GRID2: variants seen among roughly 807,000 people sequenced by gnomAD.
GRID2 encodes the protein glutamate ionotropic receptor delta type subunit 2.
In GRID2, 33 loss-of-function variants were observed where a neutral mutation model predicts 114.8. The ratio of observed to expected loss-of-function variants is 0.29; its 90% CI spans 0.22 to 0.38. The LOEUF is 0.38. Among genes scored for constraint, GRID2 ranks in the 10% least tolerant of loss-of-function variants. GRID2 has a pLI of 1.00. For synonymous variants in GRID2, 505 were observed against 449.9 expected, an observed-to-expected ratio of 1.12 and a Z score of -1.55; for missense variants, 1,184 against 1,257.7, an observed-to-expected ratio of 0.94 and a Z score of 0.89.
At chr4:92,444,904 CTT>C (rs896287966) in intron 1 of GRID2, among the ~76,000 whole-genome samples, 6 of 151,804 alleles carry the variant, frequency 4.0e-5, no homozygotes, top group Admixed American at 6.6e-5. Flanking sequence ...AAAGTGAAGA[CTT>C]TTTTTTCAGA....
chr4:92,840,367 A>G (rs1419136795), intron 2 of GRID2, among the ~76,000 whole-genome samples: 1 of 151,620 alleles, frequency 6.6e-6, no homozygotes, highest in Non-Finnish European at 1.5e-5. Flanking sequence ...ATTTTTTTAA[A>G]TTTGTTTTCT....
At position 93,012,107 on chromosome 4, in the gene GRID2, G is replaced by C. The variant is rs536535004; in HGVS notation, c.245-72888G>C. Among the ~76,000 whole-genome samples the C allele has an allele frequency of 3.5e-5, 5 of 144,742 alleles. 1 individual carries two copies. The South Asian group carries it at 1.1e-3, about 32-fold the overall frequency. 95.0% of individuals were successfully genotyped at this position (144,742 alleles called of 152,430 possible). A position where few individuals can be genotyped will look rare whatever the true frequency, so the allele number is the denominator to read the frequency against. On this transcript the variant is annotated intron_variant, in intron 2 of 15. Transcript: ENST00000282020. ...AAAAAAAAAAAAAAAAACATGTATA[G>C]TGACACCTGTAAGTGTACTTCAGAT... is the stretch of plus-strand genomic sequence containing the variant.
At chr4:92,428,587 TTTTGC>T (rs939896996) in intron 1 of GRID2, among the ~76,000 whole-genome samples, 1 of 152,102 alleles carries the variant, frequency 6.6e-6, no homozygotes, top group Non-Finnish European at 1.5e-5. Context: ...TTATTGAACA[TTTTGC>T]TTTGAGTATT....
intron 1 of GRID2, among the ~76,000 whole-genome samples, chr4:92,434,550 TAGAG>T (rs1257826490): frequency 2.0e-5 from 3 of 152,074 alleles, no homozygotes; most frequent in African/African-American, 4.8e-5. Context: ...AGGTCAAAAA[TAGAG>T]AGCCTAGAAA....
chr4:93,499,078 C>T (rs1205465824), intron 12 of GRID2, among the ~76,000 whole-genome samples: 2 of 151,714 alleles, frequency 1.3e-5, no homozygotes, highest in African/African-American at 4.8e-5. Context: ...TGGATTACAT[C>T]ATTCATTTCA....
At chr4:93,770,739 A>AT (rs1734043316) in intron 15 of GRID2, among the ~76,000 whole-genome samples, 1 of 152,174 alleles carries the variant, frequency 6.6e-6, no homozygotes, top group Non-Finnish European at 1.5e-5. Context: ...TGAGACTCAT[A>AT]TTTTTAAAAA....
intron 14 of GRID2, among the ~76,000 whole-genome samples, chr4:93,661,271 T>C (rs1480594318): frequency 6.6e-6 from 1 of 152,194 alleles, no homozygotes; most frequent in Non-Finnish European, 1.5e-5. Flanking sequence ...GCTCGATGCT[T>C]AAGTTTCCAG....
intron 2 of GRID2, among the ~76,000 whole-genome samples, chr4:92,792,219 T>C (rs1030022696): frequency 6.6e-6 from 1 of 151,780 alleles, no homozygotes; most frequent in Non-Finnish European, 1.5e-5. Context: ...TCCAATATTA[T>C]ATTATGCCAG....
At chr4:92,694,741 G>T (rs911048327) in intron 2 of GRID2, among the ~76,000 whole-genome samples, 4 of 152,142 alleles carry the variant, frequency 2.6e-5, no homozygotes, top group African/African-American at 9.7e-5. Context: ...ACCAAAATAT[G>T]TGAAACTTGT....
At chr4:92,781,482 A>T (rs2149358804) in intron 2 of GRID2, among the ~76,000 whole-genome samples, 1 of 152,254 alleles carries the variant, frequency 6.6e-6, no homozygotes, top group Admixed American at 6.5e-5. Context: ...TTTCAAAGAG[A>T]TTGAAATCTT....
chr4:92,843,377 C>A (rs1297418938), intron 2 of GRID2, among the ~76,000 whole-genome samples: 1 of 152,062 alleles, frequency 6.6e-6, no homozygotes, highest in Non-Finnish European at 1.5e-5. Flanking sequence ...TCAAGAACTC[C>A]TTTCACTTAG....
Position 93,650,092 on chromosome 4 carries a change from C to T in GRID2, c.2360+23657C>T, listed in dbSNP as rs368843672. Among the ~76,000 whole-genome samples the T allele has an allele frequency of 8.5e-5, 13 of 152,162 alleles. No individual in the cohort carries two copies. The South Asian group carries it at 1.0e-3, about 12-fold the overall frequency. ...GAGGGCCTTGATTCCTAGGCTCACA[C>T]TTCCTCTGGTTAACTCCTGCTCAAT... On this transcript the variant is annotated intron_variant, in intron 14 of 15. Transcript: ENST00000282020.
chr4:92,411,655 G>GTGTATATATATATATATA, intron 1 of GRID2, among the ~76,000 whole-genome samples: 29 of 84,682 alleles, frequency 3.4e-4, no homozygotes, highest in East Asian at 9.6e-4. Context: ...GTGTGTGTGT[G>GTGTATATATATATATATA]TATATATATA....
chr4:92,470,475 A>G (rs976884376), intron 1 of GRID2, among the ~76,000 whole-genome samples: 2 of 151,962 alleles, frequency 1.3e-5, no homozygotes, highest in African/African-American at 4.8e-5. Flanking sequence ...TCTTTCATTT[A>G]TTTCTGAAAA....
intron 2 of GRID2, among the ~76,000 whole-genome samples, chr4:92,965,840 A>G (rs1025670302): frequency 6.6e-6 from 1 of 151,832 alleles, no homozygotes; most frequent in East Asian, 1.9e-4. Context: ...TCTTATTCTG[A>G]TTTGCTGACT....
intron 9 of GRID2, among the ~76,000 whole-genome samples, chr4:93,417,372 C>T (rs1288768693): frequency 6.6e-6 from 1 of 152,050 alleles, no homozygotes; most frequent in African/African-American, 2.4e-5. Flanking sequence ...GGCTTCGTTG[C>T]CCTCCATTAT....
intron 1 of GRID2, among the ~76,000 whole-genome samples, chr4:92,449,711 A>ATATATATATG (rs1466326075): frequency 2.4e-4 from 31 of 130,140 alleles, no homozygotes; most frequent in African/African-American, 9.0e-4. Context: ...ATATATATAT[A>ATATATATATG]ACACTTAAGC....
intron 14 of GRID2, among the ~76,000 whole-genome samples, chr4:93,758,602 A>G (rs1008418158): frequency 1.3e-4 from 20 of 152,196 alleles, no homozygotes; most frequent in African/African-American, 4.8e-4. Context: ...CTTTCCTAAG[A>G]GTATGTCAAA....
intron 2 of GRID2, among the ~76,000 whole-genome samples, chr4:92,744,183 A>G (rs1578133851): frequency 6.6e-6 from 1 of 152,118 alleles, no homozygotes; most frequent in Non-Finnish European, 1.5e-5. Context: ...TGAAAAGGAG[A>G]TAATAAATGC....
Sources: gnomAD v4.1 joint callset for allele counts (sites outside exome capture counted in the v4.1 genomes callset) on GRCh38, gnomAD v4.1.1 for gene constraint, MANE v1.5 for transcripts, NCBI Gene and HGNC (gene_info 2026-07-23, HGNC 2026-07-21) for gene names.